The following CBX1 variants were observed in gnomAD, a reference collection of about 807,000 sequenced individuals.
CBX1 encodes chromobox 1.
Under a neutral mutation model 25.1 loss-of-function variants are expected in CBX1, and 10 were observed. The ratio of observed to expected loss-of-function variants is 0.40; its 90% CI spans 0.25 to 0.68. The LOEUF is 0.68. Ranked by LOEUF, CBX1 falls within the 30% of genes least tolerant of loss-of-function variation. The probability of loss-of-function intolerance (pLI) is 0.40; values close to 1 mark genes in which losing one functional copy is unlikely to be tolerated. For synonymous variants in CBX1, 63 were observed against 79.4 expected (o/e 0.79, Z 1.10); for missense variants, 106 against 218.5 (o/e 0.49, Z 3.25).
intron 4 of CBX1, among the ~76,000 whole-genome samples, 163 bp from the exon 5 acceptor site, chr17:48,071,742 A>G (rs565189111): frequency 6.6e-6 from 1 of 152,344 alleles, no homozygotes; most frequent in South Asian, 2.1e-4. Flanking sequence ...TTGTATGTCA[A>G]GTGACATCCT....
chr17:48,082,205 A>T (rs1173739439), intron 1 of CBX1, among the ~76,000 whole-genome samples: 4 of 150,592 alleles, frequency 2.7e-5, no homozygotes, highest in East Asian at 3.9e-4. Flanking sequence ...GACTGTCTTT[A>T]AAAAAATGAT....
rs1161787662 is a variant in CBX1, at chr17:48,071,006, A to G, written c.*429T>C. On this transcript the variant is annotated 3_prime_UTR_variant, in exon 5 of 5. Transcript: ENST00000225603. ...CCCTCCCCATCCCTCCCTCCCCCAA[A>G]TAATACACCAGTAATAGCCAAAAAC... The G allele has an allele frequency of 6.5e-6, 1 of 152,868 alleles. No homozygotes were observed. The highest frequency in any genetic ancestry group is 1.5e-5 in the Non-Finnish European group (1 of 68,358). 9.5% of individuals were successfully genotyped at this position (152,868 alleles called of 1,614,324 possible).
chr17:48,077,592 C>T (rs1030805821), intron 1 of CBX1, among the ~76,000 whole-genome samples: 5 of 151,676 alleles, frequency 3.3e-5, no homozygotes, highest in African/African-American at 1.2e-4. Flanking sequence ...GCCTGGCCTT[C>T]ACAGCAAACT....
chr17:48,082,867 CTT>C (rs36125840), intron 1 of CBX1, among the ~76,000 whole-genome samples: 63 of 127,166 alleles, frequency 5.0e-4, no homozygotes, highest in South Asian at 3.4e-3. Flanking sequence ...ACACAATTAT[CTT>C]TTTTTTTTTT....
intron 1 of CBX1, among the ~76,000 whole-genome samples, chr17:48,079,497 C>CTT (rs994634615): frequency 6.6e-6 from 1 of 152,100 alleles, no homozygotes; most frequent in Non-Finnish European, 1.5e-5. Context: ...TATTTTACAA[C>CTT]TTTTTTTCTT....
At chr17:48,093,070 C>CAA (rs748778471) in intron 1 of CBX1, among the ~76,000 whole-genome samples, 1 of 8,746 alleles carries the variant, frequency 1.1e-4, no homozygotes, top group Non-Finnish European at 2.6e-4. Context: ...AACTCTGTCT[C>CAA]AAAAAAAAAA....
intron 1 of CBX1, among the ~76,000 whole-genome samples, chr17:48,080,946 A>T (rs2037727432): frequency 5.1e-5 from 2 of 38,880 alleles, no homozygotes; most frequent in African/African-American, 1.3e-4. Context: ...AAAAAAAAAA[A>T]AAAAAATATA....
intron 3 of CBX1, among the ~76,000 whole-genome samples, chr17:48,075,425 C>T (rs1417768181): frequency 6.6e-6 from 1 of 152,134 alleles, no homozygotes. Context: ...GATCTCCTGA[C>T]CTTGTGATCC....
At position 48,101,295 on chromosome 17, in the gene CBX1, G is replaced by A; in HGVS notation, c.-65C>T. 1.0e-6 allele frequency: 1 copy of A among 986,466 alleles called. No individual in the cohort carries two copies. The highest frequency in any genetic ancestry group is 1.2e-6 in the Non-Finnish European group (1 of 830,052). The allele number at this position is 986,466 out of a possible 1,614,324, so 61.1% of individuals were successfully genotyped here. On this transcript the variant is annotated 5_prime_UTR_variant, in exon 1 of 5. Coordinates refer to ENST00000225603, the MANE Select transcript of CBX1 (RefSeq NM_001127228.2). Reference sequence around the variant, plus strand: ...CAGAGCAGCGCCCAAGAGCCCGAGAGGAATCGGTGCTGCGCTGCTGGCGCG... The same window carrying A: ...CAGAGCAGCGCCCAAGAGCCCGAGAAGAATCGGTGCTGCGCTGCTGGCGCG...
intron 1 of CBX1, among the ~76,000 whole-genome samples, chr17:48,081,617 C>G (rs1271402585): frequency 6.6e-6 from 1 of 151,926 alleles, no homozygotes; most frequent in Non-Finnish European, 1.5e-5. Flanking sequence ...TTTTTTAATA[C>G]TCTTAGTAGA....
intron 4 of CBX1, among the ~76,000 whole-genome samples, chr17:48,073,737 G>A (rs1217799357): frequency 6.7e-6 from 1 of 148,442 alleles, no homozygotes; most frequent in Non-Finnish European, 1.5e-5. Context: ...TGAGGCAGAA[G>A]AATCATTGAA....
intron 1 of CBX1, among the ~76,000 whole-genome samples, chr17:48,098,976 G>A (rs2063391686): frequency 6.6e-6 from 1 of 152,200 alleles, no homozygotes; most frequent in Non-Finnish European, 1.5e-5. Context: ...TTCTTTAGAG[G>A]TATAGTTTGT....
At chr17:48,083,186 A>T (rs1043962628) in intron 1 of CBX1, among the ~76,000 whole-genome samples, 2 of 146,332 alleles carry the variant, frequency 1.4e-5, no homozygotes, top group South Asian at 2.1e-4. Context: ...TTATTTATTT[A>T]TTTTTTAAAG....
intron 1 of CBX1, among the ~76,000 whole-genome samples, chr17:48,097,910 AAG>A (rs2063384215): frequency 6.6e-6 from 1 of 152,206 alleles, no homozygotes; most frequent in South Asian, 2.1e-4. Context: ...AAGGACACAG[AAG>A]ATTTTTCAAG....
rs60857566 is a variant in CBX1, at chr17:48,073,824, C to CAAAAAAAAA, written c.413+1173_413+1181dup. Among the ~76,000 whole-genome samples the CAAAAAAAAA allele has an allele frequency of 4.5e-4, 37 of 82,478 alleles. 2 individuals carry two copies. Among genetic ancestry groups the CAAAAAAAAA allele is most frequent in the African/African-American group, 1.4e-3 (24 of 17,284 alleles). 54.1% of individuals were successfully genotyped at this position (82,478 alleles called of 152,430 possible). ...CCTGGGCGAAAGAGTGAGACTGTCT[C>CAAAAAAAAA]AAAAAAAAAAAAAAAAAAAAAGACA... On this transcript the variant is annotated intron_variant, in intron 4 of 4. Transcript: ENST00000225603.
intron 1 of CBX1, among the ~76,000 whole-genome samples, chr17:48,098,656 C>T (rs1424315260): frequency 1.3e-5 from 2 of 152,150 alleles, no homozygotes; most frequent in Non-Finnish European, 2.9e-5. Context: ...CACCACCACG[C>T]CCAGCTAATT....
Position 48,073,824 on chromosome 17 carries a change from C to CAA in CBX1, c.413+1180_413+1181dup, listed in dbSNP as rs60857566. Among the ~76,000 whole-genome samples, 33 of 82,466 alleles carry CAA rather than the reference C, an allele frequency of 4.0e-4. 1 individual carries two copies. Among genetic ancestry groups the CAA allele is most frequent in the Middle Eastern group, 6.1e-3 (1 of 164 alleles). The allele number at this position is 82,466 out of a possible 152,430, so 54.1% of individuals were successfully genotyped here. ...CCTGGGCGAAAGAGTGAGACTGTCTCAAAAAAAAAAAAAAAAAAAAAGACA... is the reference window on the plus strand; with the variant it reads ...CCTGGGCGAAAGAGTGAGACTGTCTCAAAAAAAAAAAAAAAAAAAAAAAGACA... On this transcript the variant is annotated intron_variant, in intron 4 of 4. Coordinates refer to ENST00000225603, the MANE Select transcript of CBX1 (RefSeq NM_001127228.2).
intron 1 of CBX1, among the ~76,000 whole-genome samples, chr17:48,077,403 G>A (rs1168533660): frequency 4.0e-5 from 6 of 149,726 alleles, no homozygotes; most frequent in Admixed American, 2.0e-4. Flanking sequence ...GACTACAGGC[G>A]TGTGCCACCA....
chr17:48,076,317 A>G, intron 2 of CBX1, 139 bp from the exon 3 acceptor site: 2 of 596,172 alleles, frequency 3.4e-6, no homozygotes, highest in Non-Finnish European at 2.7e-6. Context: ...TTTTAGTATA[A>G]ATAGAAAGCT....
Sources: gnomAD v4.1 joint callset for allele counts (sites outside exome capture counted in the v4.1 genomes callset) on GRCh38, gnomAD v4.1.1 for gene constraint, MANE v1.5 for transcripts, NCBI Gene and HGNC (gene_info 2026-07-23, HGNC 2026-07-21) for gene names.